ADGRV1: variants seen among roughly 807,000 people sequenced by gnomAD.
ADGRV1 encodes G-protein coupled receptor 98.
ADGRV1 carries 359 observed loss-of-function variants against 596.2 expected under a neutral mutation model. That is an observed-to-expected ratio of 0.60 (90% CI 0.55 to 0.66). The LOEUF (loss-of-function observed/expected upper bound fraction) is 0.66, where lower values mean the gene tolerates loss of function less well. Among genes scored for constraint, ADGRV1 ranks in the 30% least tolerant of loss-of-function variants. The probability of loss-of-function intolerance (pLI) is 0.00; values close to 1 mark genes in which losing one functional copy is unlikely to be tolerated. For synonymous variants in ADGRV1, 2,681 were observed against 2,679.2 expected (o/e 1.00, Z -0.02); for missense variants, 7,274 against 7,575.6 (o/e 0.96, Z 1.48).
intron 85 of ADGRV1, among the ~76,000 whole-genome samples, chr5:91,035,987 G>A (rs1246279200): frequency 6.7e-6 from 1 of 150,224 alleles, no homozygotes; most frequent in East Asian, 1.9e-4. Context: ...GATAAAGGAA[G>A]CTTGACAGAT....
At chr5:90,987,537 C>T (rs1780598013) in intron 85 of ADGRV1, among the ~76,000 whole-genome samples, 1 of 151,530 alleles carries the variant, frequency 6.6e-6, no homozygotes, top group Non-Finnish European at 1.5e-5. Flanking sequence ...TTACTTTTCT[C>T]CTTAATTCAC....
At chr5:90,926,375 C>G (rs964290656) in intron 83 of ADGRV1, among the ~76,000 whole-genome samples, 1 of 149,636 alleles carries the variant, frequency 6.7e-6, no homozygotes, top group African/African-American at 2.5e-5. Flanking sequence ...GTGTATGTGT[C>G]GAGGAATTTA....
intron 85 of ADGRV1, among the ~76,000 whole-genome samples, chr5:91,009,030 A>G (rs1782514589): frequency 6.6e-6 from 1 of 152,132 alleles, no homozygotes; most frequent in South Asian, 2.1e-4. Flanking sequence ...ATTGATACTG[A>G]TGTTATCCTC....
At chr5:91,110,518 T>A (rs566928898) in intron 87 of ADGRV1, among the ~76,000 whole-genome samples, 2 of 152,270 alleles carry the variant, frequency 1.3e-5, no homozygotes, top group Admixed American at 1.3e-4. Context: ...TGCTGAAATA[T>A]TCTTTTTAAC....
intron 83 of ADGRV1, among the ~76,000 whole-genome samples, chr5:90,924,779 G>A (rs1774252702): frequency 6.6e-6 from 1 of 151,296 alleles, no homozygotes; most frequent in Non-Finnish European, 1.5e-5. Flanking sequence ...TAACGTTTAA[G>A]TCTTTAATCC....
rs887273790 is a variant in ADGRV1 at position 90,823,530 on chromosome 5, A to C, written c.16302A>C (p.Ser5434=). The stretch of plus-strand genomic sequence containing the variant: ...TGGTGGAGGAACTTCAGTCTGTGTC[A>C]GGGACCACAACCTGTACAATGGGTC... ...VNLVEELQSV[S]GTTTCTMGQT... Residue 5434 remains serine, a synonymous_variant, in exon 76 of 90, where the codon TCA becomes TCC. Coordinates refer to ENST00000405460, the MANE Select transcript of ADGRV1 (RefSeq NM_032119.4). 6 of 1,613,854 alleles carry C rather than the reference A, an allele frequency of 3.7e-6. No homozygotes were observed. The African/African-American group carries it at 6.7e-5, about 18-fold the overall frequency.
intron 1 of ADGRV1, among the ~76,000 whole-genome samples, chr5:90,559,239 T>C (rs1276938417): frequency 1.3e-5 from 2 of 152,202 alleles, no homozygotes; most frequent in African/African-American, 4.8e-5. Flanking sequence ...TTCTTCTTTT[T>C]CTGCCTGTTT....
At chr5:90,569,388 T>TATATATATATATATA (rs1554048594) in intron 1 of ADGRV1, among the ~76,000 whole-genome samples, 6 of 18,820 alleles carry the variant, frequency 3.2e-4, no homozygotes, top group Admixed American at 1.0e-3. Flanking sequence ...TATATATATA[T>TATATATATATATATA]TTTTTTTTTT....
intron 77 of ADGRV1, among the ~76,000 whole-genome samples, chr5:90,839,456 C>T (rs528482790): frequency 6.6e-6 from 1 of 152,182 alleles, no homozygotes; most frequent in Admixed American, 6.5e-5. Flanking sequence ...CCTTGTGATC[C>T]ACCCACCTCA....
intron 84 of ADGRV1, among the ~76,000 whole-genome samples, chr5:90,971,165 A>G (rs1383869448): frequency 6.6e-6 from 1 of 152,190 alleles, no homozygotes; most frequent in Non-Finnish European, 1.5e-5. Flanking sequence ...AAAAGAGTAA[A>G]AAGAAACAAA....
chr5:90,738,371 C>A (rs896072655), intron 50 of ADGRV1, among the ~76,000 whole-genome samples: 31 of 151,920 alleles, frequency 2.0e-4, no homozygotes, highest in Non-Finnish European at 4.0e-4. Flanking sequence ...ATTAGAATAT[C>A]CTGAACATGA....
At chr5:91,033,078 T>C (rs2151235433) in intron 85 of ADGRV1, among the ~76,000 whole-genome samples, 1 of 152,318 alleles carries the variant, frequency 6.6e-6, no homozygotes, top group Middle Eastern at 3.4e-3. Flanking sequence ...TTGAGTTATT[T>C]CTACTATCTT....
At chr5:90,747,188 G>A (rs1258275170) in intron 52 of ADGRV1, among the ~76,000 whole-genome samples, 1 of 152,116 alleles carries the variant, frequency 6.6e-6, no homozygotes, top group Non-Finnish European at 1.5e-5. Context: ...ATCTGGGGTA[G>A]GAACATTTAA....
At chr5:90,718,292 G>C (rs1441325938) in intron 43 of ADGRV1, 1 of 152,202 alleles carries the variant, frequency 6.6e-6, no homozygotes, top group Non-Finnish European at 1.5e-5. Flanking sequence ...AGGTGCATCT[G>C]TGTTGTTACA....
chr5:90,569,353 TGATATATATA>T (rs1561302221), intron 1 of ADGRV1, among the ~76,000 whole-genome samples: 1 of 79,392 alleles, frequency 1.3e-5, no homozygotes, highest in Non-Finnish European at 2.4e-5. Flanking sequence ...TCTGTTTGCA[TGATATATATA>T]TATATATATA....
At chr5:90,564,164 G>A (rs1755236065) in intron 1 of ADGRV1, among the ~76,000 whole-genome samples, 1 of 152,224 alleles carries the variant, frequency 6.6e-6, no homozygotes, top group Non-Finnish European at 1.5e-5. Flanking sequence ...ATATGTGAAA[G>A]AATTGATTTT....
chr5:90,834,910 C>A (rs1764839874), intron 77 of ADGRV1, among the ~76,000 whole-genome samples: 1 of 143,956 alleles, frequency 6.9e-6, no homozygotes, highest in African/African-American at 2.6e-5. Flanking sequence ...CTTTCTTTTT[C>A]TTTCTCTTTC....
At chr5:91,060,398 A>ATATATATTTTTTTTTTTTATTTATTTATT (rs796332430) in intron 85 of ADGRV1, among the ~76,000 whole-genome samples, 1 of 60,478 alleles carries the variant, frequency 1.7e-5, no homozygotes, top group African/African-American at 4.7e-5. Flanking sequence ...ATATATATAT[A>ATATATATTTTTTTTTTTTATTTATTTATT]TTTTTTTTTT....
At chr5:90,818,769 T>G (rs1763173651) in intron 75 of ADGRV1, among the ~76,000 whole-genome samples, 1 of 151,830 alleles carries the variant, frequency 6.6e-6, no homozygotes, top group Admixed American at 6.6e-5. Context: ...TGAAGCCCAC[T>G]TAATCATGGT....
Sources: gnomAD v4.1 joint callset for allele counts (sites outside exome capture counted in the v4.1 genomes callset) on GRCh38, gnomAD v4.1.1 for gene constraint, MANE v1.5 for transcripts, NCBI Gene and HGNC (gene_info 2026-07-23, HGNC 2026-07-21) for gene names.